The following CDYL2 variants were observed in gnomAD, a reference collection of about 807,000 sequenced individuals.
The protein encoded by CDYL2 is chromodomain Y-like protein 2.
In CDYL2, 23 loss-of-function variants were observed where a neutral mutation model predicts 49.4. That is an observed-to-expected ratio of 0.47 (90% CI 0.34 to 0.66). The LOEUF is 0.66. Ranked by LOEUF, CDYL2 falls within the 30% of genes least tolerant of loss-of-function variation. The pLI is 0.01. For synonymous variants in CDYL2, 360 were observed against 268.8 expected (o/e 1.34, Z -3.32); for missense variants, 678 against 656.4 (o/e 1.03, Z -0.36).
rs1206448220 is a variant in CDYL2 at position 80,633,110 on chromosome 16, C to A, written c.743G>T (p.Arg248Leu). 1 of 1,614,036 alleles carries A rather than the reference C, an allele frequency of 6.2e-7. No individual in the cohort carries two copies. The change falls in exon 3 of 7, where the codon CGG becomes CTG. Residue 248 changes from arginine to leucine, a missense_variant. Arg to Leu is a moderately radical substitution (Grantham distance 102). Around this residue, in one of 3 missense-constraint regions of CDYL2, gnomAD observed 478 missense variants for 427.0 expected, o/e 1.12. Transcript: ENST00000570137. The stretch of plus-strand genomic sequence containing the variant: ...CTTCCGCACAACGATGTCTCGAAAC[C>A]GACAGTTGCTTTCATTCTGGCGGAC... ...YSVRQNESNC[R>L]FRDIVVRKEE...
intron 2 of CDYL2, among the ~76,000 whole-genome samples, chr16:80,638,136 G>C (rs1361537901): frequency 1.3e-5 from 2 of 152,030 alleles, no homozygotes; most frequent in Non-Finnish European, 2.9e-5. Context: ...GTACAGTGCT[G>C]CTATCACAGC....
chr16:80,775,729 TAGA>T (rs1302615603), intron 1 of CDYL2, among the ~76,000 whole-genome samples: 1 of 151,846 alleles, frequency 6.6e-6, no homozygotes, highest in Non-Finnish European at 1.5e-5. Flanking sequence ...CAAATACATC[TAGA>T]AGGAGAACCT....
intron 3 of CDYL2, among the ~76,000 whole-genome samples, chr16:80,623,004 C>G (rs1305625964): frequency 6.6e-6 from 1 of 152,148 alleles, no homozygotes; most frequent in Non-Finnish European, 1.5e-5. Context: ...GTGACTTTCT[C>G]AAAGCAACAT....
intron 1 of CDYL2, among the ~76,000 whole-genome samples, chr16:80,686,256 C>T (rs375874441): frequency 2.6e-5 from 4 of 152,282 alleles, no homozygotes; most frequent in South Asian, 2.1e-4. Flanking sequence ...ATGCTAATAA[C>T]TGTTGTATTT....
chr16:80,604,590 T>C, intron 6 of CDYL2, 44 bp from the exon 7 acceptor site: 7 of 1,608,068 alleles, frequency 4.4e-6, no homozygotes, highest in Non-Finnish European at 6.0e-6. Flanking sequence ...CACCAGGGAC[T>C]CTGCTCCAGA....
intron 5 of CDYL2, among the ~76,000 whole-genome samples, chr16:80,611,792 G>A (rs1597122143): frequency 6.6e-6 from 1 of 152,234 alleles, no homozygotes; most frequent in Admixed American, 6.5e-5. Context: ...CCAGCACACA[G>A]CAAGTGCTTC....
intron 2 of CDYL2, among the ~76,000 whole-genome samples, chr16:80,672,599 G>GGAAAGGAAAGGAAAA (rs1302196619): frequency 7.4e-5 from 11 of 149,266 alleles, no homozygotes; most frequent in African/African-American, 2.7e-4. Context: ...GGAAAGGAAA[G>GGAAAGGAAAGGAAAA]GAAAGGAAAG....
chr16:80,601,472 G>C lies in CDYL2; in HGVS notation c.*2916C>G, dbSNP rs1220545874. On this transcript the variant is annotated 3_prime_UTR_variant, in exon 7 of 7. Coordinates refer to ENST00000570137, the MANE Select transcript of CDYL2 (RefSeq NM_152342.4). ...AGGCTCTTGGGAGTGACTTATGGGGGAAGGTACGGGAAAATGGTAGAGAGA... is the reference window on the plus strand; with the variant it reads ...AGGCTCTTGGGAGTGACTTATGGGGCAAGGTACGGGAAAATGGTAGAGAGA... 1 of 152,168 alleles carries C rather than the reference G, an allele frequency of 6.6e-6. No homozygotes were observed. The highest frequency in any genetic ancestry group is 1.5e-5 in the Non-Finnish European group (1 of 68,026). The allele number at this position is 152,168 out of a possible 1,614,324, so 9.4% of individuals were successfully genotyped here.
chr16:80,796,303 C>T (rs1907766895), intron 1 of CDYL2, among the ~76,000 whole-genome samples: 1 of 152,196 alleles, frequency 6.6e-6, no homozygotes, highest in South Asian at 2.1e-4. Context: ...ATTAAGTCAA[C>T]TGATTATGAA....
At chr16:80,776,565 ATATATTATATACTGTAATTTTTGTATCTG>A in intron 1 of CDYL2, among the ~76,000 whole-genome samples, 2 of 150,614 alleles carry the variant, frequency 1.3e-5, no homozygotes, top group South Asian at 4.2e-4. Flanking sequence ...TCTTTTATTT[ATATATTATATACTGTAATTTTTGTATCTG>A]TATATTATAT....
intron 1 of CDYL2, among the ~76,000 whole-genome samples, chr16:80,738,192 G>T (rs1162426116): frequency 6.6e-6 from 1 of 152,144 alleles, no homozygotes; most frequent in Non-Finnish European, 1.5e-5. Flanking sequence ...CAAAGGACAT[G>T]AACCCATCCT....
At chr16:80,672,174 C>T (rs1466709019) in intron 2 of CDYL2, among the ~76,000 whole-genome samples, 3 of 152,146 alleles carry the variant, frequency 2.0e-5, no homozygotes, top group South Asian at 2.1e-4. Flanking sequence ...TGGGGACATT[C>T]AACCTGTATA....
chr16:80,624,401 C>T (rs1567545145), intron 3 of CDYL2, among the ~76,000 whole-genome samples: 1 of 152,162 alleles, frequency 6.6e-6, no homozygotes, highest in Non-Finnish European at 1.5e-5. Context: ...TTACCACACC[C>T]ACATGGGGAA....
At chr16:80,637,311 G>A (rs566457803) in intron 2 of CDYL2, among the ~76,000 whole-genome samples, 12 of 152,118 alleles carry the variant, frequency 7.9e-5, no homozygotes, top group African/African-American at 1.4e-4. Flanking sequence ...CTTACTTAGC[G>A]GTGAGAAATG....
At chr16:80,683,372 G>C (rs912136786) in intron 2 of CDYL2, among the ~76,000 whole-genome samples, 9 of 152,180 alleles carry the variant, frequency 5.9e-5, no homozygotes, top group African/African-American at 2.2e-4. Context: ...TAACCTGAAA[G>C]ACTGATGCCA....
At chr16:80,683,620 C>A (rs548900818) in intron 2 of CDYL2, among the ~76,000 whole-genome samples, 1 of 152,210 alleles carries the variant, frequency 6.6e-6, no homozygotes, top group African/African-American at 2.4e-5. Context: ...ACAGTCTGAA[C>A]ATTTATGTTC....
At chr16:80,608,056 C>A (rs912660934) in intron 6 of CDYL2, 36 bp downstream of exon 6, 1 of 1,531,752 alleles carries the variant, frequency 6.5e-7, no homozygotes. Context: ...ATGGGTCTAT[C>A]AAAAGGACAA....
At chr16:80,736,511 A>C (rs1163483469) in intron 1 of CDYL2, 1 of 152,258 alleles carries the variant, frequency 6.6e-6, no homozygotes, top group Non-Finnish European at 1.5e-5. Context: ...GGAAGATATC[A>C]ACAGGTAAAC....
chr16:80,761,204 T>G (rs998038462), intron 1 of CDYL2, among the ~76,000 whole-genome samples: 1 of 152,094 alleles, frequency 6.6e-6, no homozygotes, highest in African/African-American at 2.4e-5. Context: ...AGCAATCTGT[T>G]TGAACAAGCC....
Sources: allele counts gnomAD v4.1 joint callset (sites outside exome capture counted in the v4.1 genomes callset), GRCh38; gene constraint gnomAD v4.1.1; regional missense constraint gnomAD v4.1.1; transcripts MANE v1.5; gene names NCBI Gene and HGNC (gene_info 2026-07-23, HGNC 2026-07-21).